Variants in AOPEP observed in about 807,000 individuals in gnomAD.
AOPEP encodes aminopeptidase O.
In AOPEP, 77 loss-of-function variants were observed where a neutral mutation model predicts 98.1. The observed-to-expected ratio is 0.78, with a 90% CI of 0.65 to 0.95. AOPEP has a LOEUF of 0.95. Among genes scored for constraint, AOPEP ranks in the 40% least tolerant of loss-of-function variants. The pLI is 0.00. For missense variants in AOPEP, 1,024 were observed against 1,024.7 expected (o/e 1.00, Z 0.01); for synonymous variants, 346 against 365.3 (o/e 0.95, Z 0.60).
intron 13 of AOPEP, among the ~76,000 whole-genome samples, chr9:95,040,462 C>T (rs955486889): frequency 5.9e-5 from 9 of 152,248 alleles, no homozygotes; most frequent in African/African-American, 1.2e-4. Context: ...CACAGAGCCA[C>T]GTGGTAACCC....
At chr9:94,990,408 T>A (rs577951002) in intron 11 of AOPEP, among the ~76,000 whole-genome samples, 35 of 152,244 alleles carry the variant, frequency 2.3e-4, no homozygotes, top group African/African-American at 7.7e-4. Flanking sequence ...CAGTGCTGCC[T>A]TATTTTGTAG....
At chr9:94,931,767 A>G (rs2055348902) in intron 7 of AOPEP, 5 of 1,550,374 alleles carry the variant, frequency 3.2e-6, no homozygotes, top group African/African-American at 2.7e-5. Flanking sequence ...TCTTTGCCAC[A>G]CTGTTCAACA....
intron 2 of AOPEP, among the ~76,000 whole-genome samples, chr9:94,772,643 T>C (rs546892711): frequency 6.6e-6 from 1 of 152,314 alleles, no homozygotes; most frequent in East Asian, 1.9e-4. Flanking sequence ...TTCCAAAAGA[T>C]TTGTAAGAAT....
chr9:95,002,432 T>C (rs2061621856), intron 11 of AOPEP, among the ~76,000 whole-genome samples: 2 of 152,000 alleles, frequency 1.3e-5, no homozygotes, highest in African/African-American at 4.8e-5. Flanking sequence ...AAAAGAGCTA[T>C]AATAACTGAA....
the AOPEP span, chr9:95,100,662 G>A: frequency 4.8e-5 from 11 of 228,890 alleles, no homozygotes; most frequent in South Asian, 1.6e-3. Flanking sequence ...AGATGGTCTC[G>A]CTCTGTTGCC....
intron 5 of AOPEP, among the ~76,000 whole-genome samples, chr9:94,872,866 G>A (rs780536021): frequency 2.0e-5 from 3 of 152,176 alleles, no homozygotes; most frequent in Non-Finnish European, 2.9e-5. Context: ...ACTGGAAGTC[G>A]GGGCAGTCAC....
the AOPEP span, chr9:95,101,636 G>A: frequency 5.0e-6 from 8 of 1,596,550 alleles, no homozygotes; most frequent in Admixed American, 5.0e-5. Context: ...GTGGCCACAG[G>A]TCATCACCTG....
At chr9:94,828,512 C>T (rs571659417) in intron 5 of AOPEP, among the ~76,000 whole-genome samples, 88 of 152,154 alleles carry the variant, frequency 5.8e-4, no homozygotes, top group African/African-American at 1.7e-3. Context: ...TTGTGCTGGA[C>T]GCCAGGGATA....
intron 7 of AOPEP, among the ~76,000 whole-genome samples, chr9:94,934,313 A>ATTTTTTTTT (rs2055890701): frequency 9.3e-6 from 1 of 107,266 alleles, no homozygotes; most frequent in African/African-American, 5.1e-5. Flanking sequence ...CACTTCTCCC[A>ATTTTTTTTT]TCTTTTTTTT....
At chr9:94,895,237 AAT>A (rs1491201389) in intron 5 of AOPEP, among the ~76,000 whole-genome samples, 15 of 33,376 alleles carry the variant, frequency 4.5e-4, no homozygotes, top group African/African-American at 7.6e-4. Context: ...AATAAAATAA[AAT>A]AAAAAAAAAA....
intron 13 of AOPEP, among the ~76,000 whole-genome samples, chr9:95,024,709 A>C (rs1224287784): frequency 6.6e-6 from 1 of 152,218 alleles, no homozygotes; most frequent in Admixed American, 6.5e-5. Context: ...TCTCAAAATA[A>C]AGGAAATACT....
intron 14 of AOPEP, among the ~76,000 whole-genome samples, chr9:95,071,809 C>G (rs1398462332): frequency 6.6e-6 from 1 of 152,114 alleles, no homozygotes; most frequent in Non-Finnish European, 1.5e-5. Context: ...GACTCTGTCT[C>G]CAGTATTGGG....
chr9:94,928,479 C>T lies in AOPEP; in HGVS notation c.1609C>T (p.Arg537Cys), dbSNP rs1019446111. The stretch of plus-strand genomic sequence containing the variant: ...GGAGCTGAGGGCTTGTCTGCGCTGG[C>T]GTCGCCTCCAGGACGAGATGCAATG... ...QQELRACLRW[R>C]RLQDEMQCSP... The change falls in exon 7 of 17, where the codon CGT becomes TGT. Residue 537 changes from arginine to cysteine, a missense_variant. This residue lies in a region of AOPEP where 566 missense variants were observed against 551.7 expected (regional missense o/e 1.03). Transcript: ENST00000375315. 9.7e-6 allele frequency: 15 copies of T among 1,550,308 alleles called. No homozygotes were observed. The Admixed American group carries it at 1.4e-4, about 14-fold the overall frequency.
intron 5 of AOPEP, among the ~76,000 whole-genome samples, chr9:94,899,956 C>G (rs1041298540): frequency 6.6e-5 from 10 of 152,140 alleles, no homozygotes; most frequent in African/African-American, 2.2e-4. Flanking sequence ...CCCCTCCCCC[C>G]CAGCCAAATA....
intron 5 of AOPEP, among the ~76,000 whole-genome samples, chr9:94,909,423 A>AAAAGATG (rs1301709911): frequency 6.6e-6 from 1 of 151,552 alleles, no homozygotes; most frequent in Admixed American, 6.6e-5. Context: ...TACAACTGTG[A>AAAAGATG]AAAGATGACA....
the AOPEP span, among the ~76,000 whole-genome samples, chr9:95,096,262 A>T: frequency 1.1e-4 from 17 of 152,154 alleles, no homozygotes; most frequent in Non-Finnish European, 1.5e-4. Flanking sequence ...GCGGGAGATG[A>T]TGTCTGAAAC....
the AOPEP span, among the ~76,000 whole-genome samples, chr9:95,112,805 T>C: frequency 2.6e-5 from 4 of 152,220 alleles, no homozygotes. Flanking sequence ...GAAAGGTATC[T>C]CATGGCTCCA....
At chr9:95,051,682 G>A (rs528023306) in intron 13 of AOPEP, among the ~76,000 whole-genome samples, 15 of 151,848 alleles carry the variant, frequency 9.9e-5, no homozygotes, top group African/African-American at 3.6e-4. Flanking sequence ...AACCAGATCT[G>A]TACTGTAAAG....
At chr9:94,762,814 A>G (rs1310952255) in intron 2 of AOPEP, among the ~76,000 whole-genome samples, 2 of 152,116 alleles carry the variant, frequency 1.3e-5, no homozygotes, top group East Asian at 3.8e-4. Context: ...AACTGTTTGG[A>G]TATGTTAAGG....
Sources: gnomAD v4.1 joint callset for allele counts (sites outside exome capture counted in the v4.1 genomes callset) on GRCh38, gnomAD v4.1.1 for gene constraint, gnomAD v4.1.1 regional missense constraint, MANE v1.5 for transcripts, NCBI Gene and HGNC (gene_info 2026-07-23, HGNC 2026-07-21) for gene names.